EBF1: variants seen among roughly 807,000 people sequenced by gnomAD.
The protein encoded by EBF1 is EBF transcription factor 1.
In EBF1, 10 loss-of-function variants were observed where a neutral mutation model predicts 68.4. The ratio of observed to expected loss-of-function variants is 0.15; its 90% CI spans 0.09 to 0.25. The LOEUF is 0.25. Among genes scored for constraint, EBF1 ranks in the 10% least tolerant of loss-of-function variants. The probability of loss-of-function intolerance (pLI) is 1.00; values close to 1 mark genes in which losing one functional copy is unlikely to be tolerated. For missense variants in EBF1, 509 were observed against 794.4 expected, an observed-to-expected ratio of 0.64 and a Z score of 4.32; for synonymous variants, 298 against 299.8, an observed-to-expected ratio of 0.99 and a Z score of 0.06.
In EBF1 at chr5:159,008,186, T is replaced by A. The variant is rs545869950; in HGVS notation, c.554+65210A>T. ...AAAAAGTAAAATAAAATGAGATCAC[T>A]AGAAGTTTAAGAAGTCAAACTTTTG... On this transcript the variant is annotated intron_variant, in intron 6 of 15. Coordinates refer to ENST00000313708, the MANE Select transcript of EBF1 (RefSeq NM_024007.5). Among the ~76,000 whole-genome samples, 5 of 152,320 alleles carry A rather than the reference T, an allele frequency of 3.3e-5. No individual in the cohort carries two copies. The East Asian group carries it at 5.8e-4, about 18-fold the overall frequency.
At chr5:158,838,201 T>G (rs1789280228) in intron 7 of EBF1, among the ~76,000 whole-genome samples, 1 of 152,048 alleles carries the variant, frequency 6.6e-6, no homozygotes, top group Admixed American at 6.5e-5. Flanking sequence ...ATTCCAGCAC[T>G]TTGGGAGGCC....
intron 6 of EBF1, among the ~76,000 whole-genome samples, chr5:158,947,826 A>G (rs1201427291): frequency 1.3e-5 from 2 of 152,120 alleles, no homozygotes; most frequent in African/African-American, 2.4e-5. Context: ...TCCTGTGTAG[A>G]AATGGAGGTT....
intron 6 of EBF1, among the ~76,000 whole-genome samples, chr5:159,001,263 GA>G (rs1447060254): frequency 5.9e-5 from 9 of 151,970 alleles, no homozygotes; most frequent in African/African-American, 1.5e-4. Context: ...GAGTAAGAAA[GA>G]AATTTTTTTT....
chr5:158,727,158 C>T (rs984646599), intron 11 of EBF1, among the ~76,000 whole-genome samples: 3 of 152,182 alleles, frequency 2.0e-5, no homozygotes, highest in Non-Finnish European at 2.9e-5. Flanking sequence ...CTATGATCTT[C>T]GAAAACCTTA....
At chr5:158,726,631 G>GAGAAAAGACATTGGCCCTGAGAA (rs1170271854) in intron 11 of EBF1, among the ~76,000 whole-genome samples, 2 of 152,184 alleles carry the variant, frequency 1.3e-5, no homozygotes, top group African/African-American at 2.4e-5. Flanking sequence ...CTGGCTCTTG[G>GAGAAAAGACATTGGCCCTGAGAA]AGAAAAGACA....
At chr5:158,925,092 A>T (rs960937257) in intron 6 of EBF1, among the ~76,000 whole-genome samples, 1 of 151,974 alleles carries the variant, frequency 6.6e-6, no homozygotes, top group Admixed American at 6.6e-5. Flanking sequence ...TGCTGTTCCC[A>T]CTGCCTGAAA....
Position 159,077,771 on chromosome 5 carries a change from C to T in EBF1, c.486-4307G>A, listed in dbSNP as rs1454657599. Among the ~76,000 whole-genome samples, 129 of 96,162 alleles carry T rather than the reference C, an allele frequency of 1.3e-3. 2 individuals are homozygous for T. Among genetic ancestry groups the T allele is most frequent in the Non-Finnish European group, 2.1e-3 (106 of 51,492 alleles). The allele number at this position is 96,162 out of a possible 152,430, so 63.1% of individuals were successfully genotyped here. A position where few individuals can be genotyped will look rare whatever the true frequency, so the allele number is the denominator to read the frequency against. ...TTTTTTTTTTTTTTTTTTTTTTGCA[C>T]TCCCAGGCTGGAGTGCAGTGGTGTG... On this transcript the variant is annotated intron_variant, in intron 5 of 15. Coordinates refer to ENST00000313708, the MANE Select transcript of EBF1 (RefSeq NM_024007.5).
Position 158,696,086 on chromosome 5 carries a change from G to GT in EBF1, c.*3024dup. The GT allele has an allele frequency of 4.7e-6, 1 of 212,528 alleles. No homozygotes were observed. Among genetic ancestry groups the GT allele is most frequent in the Non-Finnish European group, 9.5e-6 (1 of 105,074 alleles). The allele number at this position is 212,528 out of a possible 1,614,324, so 13.2% of individuals were successfully genotyped here. A position where few individuals can be genotyped will look rare whatever the true frequency, so the allele number is the denominator to read the frequency against. On this transcript the variant is annotated 3_prime_UTR_variant, in exon 16 of 16. Transcript: ENST00000313708. Reference sequence around the variant, plus strand: ...CTATTCAAAAAGTTTTGATAAGAAGGTGAAAGGTTAGTAGATTTAGAGATG... The same window carrying GT: ...CTATTCAAAAAGTTTTGATAAGAAGGTTGAAAGGTTAGTAGATTTAGAGATG...
intron 6 of EBF1, among the ~76,000 whole-genome samples, chr5:158,892,774 C>T (rs992285220): frequency 6.6e-6 from 1 of 152,088 alleles, no homozygotes; most frequent in African/African-American, 2.4e-5. Flanking sequence ...TATGACTTTT[C>T]CTGGTAAGAC....
At chr5:159,033,517 C>T (rs1769375901) in intron 6 of EBF1, among the ~76,000 whole-genome samples, 1 of 152,126 alleles carries the variant, frequency 6.6e-6, no homozygotes, top group Admixed American at 6.5e-5. Flanking sequence ...AGACTTTACA[C>T]AAAAGTTAAA....
intron 6 of EBF1, among the ~76,000 whole-genome samples, chr5:159,055,586 G>T (rs1774591304): frequency 6.6e-6 from 1 of 152,182 alleles, no homozygotes; most frequent in Non-Finnish European, 1.5e-5. Flanking sequence ...ACAAATTTGG[G>T]TTCATATTAG....
chr5:158,800,724 A>G (rs1780428795), intron 8 of EBF1, among the ~76,000 whole-genome samples: 1 of 152,186 alleles, frequency 6.6e-6, no homozygotes, highest in South Asian at 2.1e-4. Context: ...TGGGATACCC[A>G]GAGAGAAACA....
At chr5:158,841,970 A>T (rs903061862) in intron 6 of EBF1, among the ~76,000 whole-genome samples, 2 of 152,210 alleles carry the variant, frequency 1.3e-5, no homozygotes, top group Admixed American at 6.5e-5. Context: ...GATTCTCTCC[A>T]CAGAAGCCAA....
chr5:158,905,818 C>G (rs761992944), intron 6 of EBF1, among the ~76,000 whole-genome samples: 10 of 152,120 alleles, frequency 6.6e-5, no homozygotes, highest in Non-Finnish European at 1.2e-4. Context: ...TGCTTGCCAC[C>G]AGAAAAATTA....
chr5:158,951,386 T>G (rs1236774609), intron 6 of EBF1, among the ~76,000 whole-genome samples: 2 of 152,222 alleles, frequency 1.3e-5, no homozygotes, highest in African/African-American at 4.8e-5. Flanking sequence ...CCCCTCCTTC[T>G]CTACTCCATT....
At chr5:158,711,048 G>C (rs990642340) in intron 14 of EBF1, among the ~76,000 whole-genome samples, 15 of 152,246 alleles carry the variant, frequency 9.9e-5, no homozygotes, top group Admixed American at 3.9e-4. Context: ...TGTTTTTGTA[G>C]GCAAACTTCT....
intron 6 of EBF1, among the ~76,000 whole-genome samples, chr5:159,066,715 C>T (rs747692579): frequency 2.0e-4 from 30 of 151,968 alleles, no homozygotes; most frequent in South Asian, 1.5e-3. Flanking sequence ...AGTACTGTAA[C>T]GTTAAAACCT....
At chr5:158,881,016 G>A (rs1287041250) in intron 6 of EBF1, among the ~76,000 whole-genome samples, 10 of 151,640 alleles carry the variant, frequency 6.6e-5, no homozygotes, top group African/African-American at 2.4e-4. Flanking sequence ...AGAAGAAGAG[G>A]GGAAAAAAAA....
chr5:158,762,154 C>G (rs1265679221), intron 10 of EBF1, among the ~76,000 whole-genome samples: 1 of 152,138 alleles, frequency 6.6e-6, no homozygotes, highest in Non-Finnish European at 1.5e-5. Context: ...CCTGAAAGCA[C>G]TTTTCTATTA....
Sources: gnomAD v4.1 joint callset for allele counts (sites outside exome capture counted in the v4.1 genomes callset) on GRCh38, gnomAD v4.1.1 for gene constraint, MANE v1.5 for transcripts, NCBI Gene and HGNC (gene_info 2026-07-23, HGNC 2026-07-21) for gene names.